PLEC: variants seen among roughly 807,000 people sequenced by gnomAD.
PLEC encodes the protein hemidesmosomal protein 1.
Under a neutral mutation model 392.8 loss-of-function variants are expected in PLEC, and 216 were observed. The ratio of observed to expected loss-of-function variants is 0.55; its 90% confidence interval spans 0.49 to 0.62. The LOEUF (loss-of-function observed/expected upper bound fraction) is 0.62, where lower values mean the gene tolerates loss of function less well. Ranked by LOEUF, PLEC falls within the 20% of genes least tolerant of loss-of-function variation. The pLI is 0.00. For synonymous variants in PLEC, 3,621 were observed against 2,980.6 expected, an observed-to-expected ratio of 1.21 and a Z score of -7.00; for missense variants, 6,863 against 6,563.4, an observed-to-expected ratio of 1.05 and a Z score of -1.58.
rs1554686451 is a variant in PLEC at position 143,921,600 on chromosome 8, C to T, written c.8221G>A (p.Asp2741Asn). The change falls in exon 32 of 32, where the codon GAC (aspartate) becomes AAC (asparagine). Residue 2741 changes from aspartate to asparagine, a missense_variant. Physicochemically the swap from Asp to Asn is conservative, Grantham distance 23 (BLOSUM62 1). Transcript: ENST00000345136. ...EAQAASGFLLDPVRNRRLTVN... is the reference protein window; with the variant it reads ...EAQAASGFLLNPVRNRRLTVN... ...GTCAGCCGCCGGTTCCGCACAGGGT[C>T]CAGCAGGAAGCCTGAGGCCGCCTGC... The T allele has an allele frequency of 1.2e-6, 2 of 1,612,728 alleles. No individual in the cohort carries two copies. The highest frequency in any genetic ancestry group is 2.7e-5 in the African/African-American group (2 of 74,938).
intron 1 of PLEC, chr8:143,944,756 G>T (rs2132563182): frequency 2.4e-6 from 3 of 1,256,626 alleles, no homozygotes; most frequent in Middle Eastern, 2.1e-4. Flanking sequence ...GCCACTGGCG[G>T]CAGCGTCGGG....
At chr8:143,937,804 C>A (rs868966764) in intron 3 of PLEC, 2 of 533,774 alleles carry the variant, frequency 3.7e-6, no homozygotes, top group Middle Eastern at 2.8e-4. Flanking sequence ...CAGAGCAGGG[C>A]AAAGGGTAAA....
In PLEC at chr8:143,924,171, G is replaced by A. The variant is rs781860739; in HGVS notation, c.5758C>T (p.Arg1920Trp). Residue 1920 changes from arginine to tryptophan, a missense_variant, in exon 31 of 32, where the codon CGG becomes TGG. Physicochemically the swap from Arg to Trp is moderately radical, Grantham distance 101. Coordinates refer to ENST00000345136, the MANE Select transcript of PLEC (RefSeq NM_201384.3). Reference sequence around the variant, plus strand: ...AGGATCTCCTCCTCCACCTGCCGCCGCTGCCTCAGCGTGTCCTCCACCAGC... The same window carrying A: ...AGGATCTCCTCCTCCACCTGCCGCCACTGCCTCAGCGTGTCCTCCACCAGC... ...KGLVEDTLRQ[R>W]RQVEEEILAL... The A allele has an allele frequency of 5.0e-6, 8 of 1,598,950 alleles. No individual in the cohort carries two copies. Among genetic ancestry groups the A allele is most frequent in the East Asian group, 2.2e-5 (1 of 44,828 alleles).
In PLEC at chr8:143,921,245, T is replaced by C. The variant is rs368319348; in HGVS notation, c.8576A>G (p.His2859Arg). The change falls in exon 32 of 32, where the codon CAC becomes CGC. Residue 2859 changes from histidine to arginine, a missense_variant. Physicochemically the swap from His to Arg is conservative, Grantham distance 29. Transcript: ENST00000345136. ...DTKGFFDPNTHENLTYLQLLE... is the reference protein window; with the variant it reads ...DTKGFFDPNTRENLTYLQLLE... ...TAGCTGCAGGTACGTGAGGTTCTCG[T>C]GCGTGTTGGGGTCAAAGAAGCCCTT... The C allele has an allele frequency of 1.8e-4, 291 of 1,614,098 alleles. No homozygotes were observed. The highest frequency in any genetic ancestry group is 2.2e-4 in the Non-Finnish European group (260 of 1,180,036).
At position 143,924,806 on chromosome 8, in the gene PLEC, C is replaced by T. The variant is rs781895453; in HGVS notation, c.5123G>A (p.Arg1708His). Residue 1708 changes from arginine (R) to histidine (H), a missense_variant, in exon 31 of 32, where the codon CGC (arginine) becomes CAC (histidine). Coordinates refer to ENST00000345136, the MANE Select transcript of PLEC (RefSeq NM_201384.3). ...RQLAEGTAQQRLAAEQELIRL... is the reference protein window; with the variant it reads ...RQLAEGTAQQHLAAEQELIRL... ...GATCAACTCCTGCTCCGCGGCCAGG[C>T]GCTGCTGCGCGGTGCCTTCCGCCAG... 1.6e-5 allele frequency: 25 copies of T among 1,538,952 alleles called. No homozygotes were observed. Among genetic ancestry groups the T allele is most frequent in the Admixed American group, 1.9e-5 (1 of 51,610 alleles).
intron 1 of PLEC, chr8:143,944,696 G>A (rs781988306): frequency 5.7e-5 from 75 of 1,316,468 alleles, no homozygotes; most frequent in Admixed American, 3.3e-4. Flanking sequence ...CGGGGCAGAC[G>A]GAGCGGGCCA....
chr8:143,922,470 C>A (rs1554689723), intron 31 of PLEC, 34 bp downstream of exon 31: 2 of 1,602,446 alleles, frequency 1.2e-6, no homozygotes, highest in Non-Finnish European at 1.7e-6. Flanking sequence ...GATCCCCGGG[C>A]CCACCCGCCC....
At chr8:143,958,322 G>C (rs1832704141), upstream of PLEC, among the ~76,000 whole-genome samples, 1 of 152,148 alleles carries the variant, frequency 6.6e-6, no homozygotes. This position sits in a 1 kb window ranked among gnomAD's most constrained non-coding sequence, Gnocchi z 4.9. Flanking sequence ...GTCCCAGTGA[G>C]GGCCCAGGAG....
rs373397279 is a variant in PLEC, at chr8:143,920,602, G to A, written c.9219C>T (p.Ser3073=). The change falls in exon 32 of 32, where the codon AGC becomes AGT. Residue 3073 remains serine (S), a synonymous_variant. Transcript: ENST00000345136. ...CTGCCTCGTCCACGGTCAGCCGGGC[G>A]CTGGTGGCGGGGTCGATGATGTGCC... ...GTGHIIDPAT[S]ARLTVDEAVR... 3.4e-5 allele frequency: 54 copies of A among 1,609,146 alleles called. No homozygotes were observed. Among genetic ancestry groups the A allele is most frequent in the Middle Eastern group, 1.6e-4 (1 of 6,084 alleles).
Position 143,926,994 on chromosome 8 carries a change from C to G in PLEC, c.3928G>C (p.Glu1310Gln). The G allele has an allele frequency of 6.2e-7, 1 of 1,613,248 alleles. No individual in the cohort carries two copies. The highest frequency in any genetic ancestry group is 8.5e-7 in the Non-Finnish European group (1 of 1,179,966). The change falls in exon 29 of 32, where the codon GAG becomes CAG. Residue 1310 changes from glutamate (E) to glutamine (Q), a missense_variant. Coordinates refer to ENST00000345136, the MANE Select transcript of PLEC (RefSeq NM_201384.3). ...CACCCTACCTCCTGGATGACACTCT[C>G]TGATCCCGACTGGACCTTGGGCTTC... Reference protein sequence around the residue: ...AKKPKVQSGSESVIQEYVDLR... With the variant: ...AKKPKVQSGSQSVIQEYVDLR...
Position 143,933,245 on chromosome 8 carries a change from TGCACGTCGTTGAAGA to T in PLEC, c.1355_1369del (p.Leu452_Val456del), listed in dbSNP as rs1827945295. 1 of 1,613,012 alleles carries T rather than the reference TGCACGTCGTTGAAGA, an allele frequency of 6.2e-7. No homozygotes were observed. Among genetic ancestry groups the T allele is most frequent in the South Asian group, 1.1e-5 (1 of 91,088 alleles). ...CGGGTGCCGTCCATCCTTGAGGGTC[TGCACGTCGTTGAAGA>T]GCAGCCGGATCATGCTATCCGCCTT... On this transcript the variant is annotated inframe_deletion, in exon 13 of 32. Coordinates refer to ENST00000345136, the MANE Select transcript of PLEC (RefSeq NM_201384.3).
rs150753908 is a variant in PLEC at position 143,969,395 on chromosome 8, A to T, written c.70+4008T>A. ...GTGGCAGGAGAGCTCTGGGCACCCTATGGGAGAGGCCTCCGTGCTGAGGGC... is the reference window on the plus strand; with the variant it reads ...GTGGCAGGAGAGCTCTGGGCACCCTTTGGGAGAGGCCTCCGTGCTGAGGGC... On this transcript the variant is annotated intron_variant, in intron 1 of 31. Transcript: ENST00000356346. This position sits in a 1 kb window ranked among gnomAD's most constrained non-coding sequence, Gnocchi z 5.1. Among the ~76,000 whole-genome samples, 1 of 152,102 alleles carries T rather than the reference A, an allele frequency of 6.6e-6. No homozygotes were observed. The highest frequency in any genetic ancestry group is 2.4e-5 in the African/African-American group (1 of 41,424).
At position 143,916,734 on chromosome 8, in the gene PLEC, G is replaced by A. The variant is rs782348944; in HGVS notation, c.13087C>T (p.Arg4363Cys). 7.0e-5 allele frequency: 113 copies of A among 1,613,002 alleles called. No individual in the cohort carries two copies. Among genetic ancestry groups the A allele is most frequent in the Middle Eastern group, 1.6e-4 (1 of 6,084 alleles). ...GCGGCCGACATCTTGGTCTTGGTGCGTGGGTCCTCGAAGCCGCAGAAGGCC... is the reference window on the plus strand; with the variant it reads ...GCGGCCGACATCTTGGTCTTGGTGCATGGGTCCTCGAAGCCGCAGAAGGCC... ...QKAFCGFEDP[R>C]TKTKMSAAQA... Residue 4363 changes from arginine to cysteine, a missense_variant, in exon 32 of 32, where the codon CGC (arginine) becomes TGC (cysteine). Transcript: ENST00000345136.
At position 143,931,601 on chromosome 8, in the gene PLEC, C is replaced by T. The variant is rs200887085; in HGVS notation, c.2237G>A (p.Arg746His). ...GGAGCGATCACAACTGTATTTCCTA[C>T]GCAGTGCCTCCTGCAGCTTCTGCAA... ...GQLQKLQEALRRKYSCDRSAT... is the reference protein window; with the variant it reads ...GQLQKLQEALHRKYSCDRSAT... The change falls in exon 19 of 32, where the codon CGT (arginine) becomes CAT (histidine). Residue 746 changes from arginine (R) to histidine (H), a missense_variant. Arg to His is a conservative substitution (Grantham distance 29). Transcript: ENST00000345136. The T allele has an allele frequency of 1.2e-3, 1,955 of 1,600,074 alleles. 2 individuals carry two copies. Among genetic ancestry groups the T allele is most frequent in the Admixed American group, 2.2e-3 (129 of 58,260 alleles).
rs201827413 is a variant in PLEC at position 143,930,152 on chromosome 8, G to A, written c.2604C>T (p.Ala868=). 1.9e-5 allele frequency: 30 copies of A among 1,580,700 alleles called. No individual in the cohort carries two copies. Among genetic ancestry groups the A allele is most frequent in the East Asian group, 6.9e-5 (3 of 43,770 alleles). ...VPPPNQEAQE[A]VTRLEAQHQA... ...GAGCCCCCGCCACCCACCTGGTGAC[G>A]GCCTCCTGGGCCTCCTGGTTGGGCG... Residue 868 remains alanine (A), a synonymous_variant, in exon 21 of 32, where the codon GCC becomes GCT. Transcript: ENST00000345136.
chr8:143,951,846 C>T (rs1328626978), upstream of PLEC, among the ~76,000 whole-genome samples: 4 of 152,204 alleles, frequency 2.6e-5, no homozygotes, highest in African/African-American at 9.6e-5. Context: ...CAGGCCTGGC[C>T]CAGCCACACC....
In PLEC at chr8:143,919,200, G is replaced by A; in HGVS notation, c.10621C>T (p.Leu3541=). ...GCCTTCTCCGCCCCTTTCAGTGGCA[G>A]AAGGCGCAAGCCCGTCTCGGGGTCC... The part of the protein sequence containing the change: ...VEDPETGLRL[L]PLKGAEKAEV... The change falls in exon 32 of 32, where the codon CTG becomes TTG. Residue 3541 remains leucine, a synonymous_variant. Coordinates refer to ENST00000345136, the MANE Select transcript of PLEC (RefSeq NM_201384.3). 1 of 1,613,846 alleles carries A rather than the reference G, an allele frequency of 6.2e-7. No individual in the cohort carries two copies. The highest frequency in any genetic ancestry group is 1.3e-5 in the African/African-American group (1 of 75,064).
At chr8:143,952,784 A>G (rs1168469050), upstream of PLEC, among the ~76,000 whole-genome samples, 1 of 151,800 alleles carries the variant, frequency 6.6e-6, no homozygotes, top group East Asian at 1.9e-4. Flanking sequence ...CCGCCACCCA[A>G]CCAGCCCCGC....
rs782281167 is a variant in PLEC at position 143,930,263 on chromosome 8, C to G, written c.2493G>C (p.Val831=). 1.2e-6 allele frequency: 2 copies of G among 1,601,816 alleles called. No individual in the cohort carries two copies. The highest frequency in any genetic ancestry group is 2.7e-5 in the African/African-American group (2 of 74,860). ...TCCAGTGGGACGGCTGTGCAGGGCC[C>G]ACCAGCTGGCACTCGTCACCCTTGT... ...TVHKGDECQL[V]GPAQPSHWKV... The change falls in exon 21 of 32, where the codon GTG becomes GTC. Residue 831 remains valine (V), a synonymous_variant. Coordinates refer to ENST00000345136, the MANE Select transcript of PLEC (RefSeq NM_201384.3).
Sources: gnomAD v4.1 joint callset for allele counts (sites outside exome capture counted in the v4.1 genomes callset) on GRCh38, gnomAD v4.1.1 for gene constraint, Gnocchi (gnomAD v3.1) non-coding constraint, MANE v1.5 for transcripts, NCBI Gene and HGNC (gene_info 2026-07-23, HGNC 2026-07-21) for gene names.